OR3A2: variants seen among roughly 807,000 people sequenced by gnomAD.
OR3A2 encodes the protein olfactory receptor family 3 subfamily A member 2.
For missense variants in OR3A2, 318 were observed against 392.8 expected (o/e 0.81, Z 1.61); for synonymous variants, 126 against 159.3 (o/e 0.79, Z 1.57).
At chr17:3,281,235 A>AT (rs58615412) in intron 1 of OR3A2, among the ~76,000 whole-genome samples, 27,250 of 137,312 alleles carry the variant, frequency 0.2, 3,349 homozygotes, top group African/African-American at 0.34. Flanking sequence ...AGGCATCAGG[A>AT]TTTTTTTTTT....
At chr17:3,377,855 T>C (rs529714592) in intron 2 of OR3A2, among the ~76,000 whole-genome samples, 1 of 152,370 alleles carries the variant, frequency 6.6e-6, no homozygotes, top group East Asian at 1.9e-4. Context: ...GGATGTAAAC[T>C]AGTCTGACCA....
chr17:3,351,726 T>C (rs1245931816), intron 2 of OR3A2, among the ~76,000 whole-genome samples: 1 of 150,700 alleles, frequency 6.6e-6, no homozygotes, highest in East Asian at 2.0e-4. Flanking sequence ...CATCACCAAG[T>C]CAATCCTAAG....
chr17:3,280,963 G>A (rs1013616758), intron 1 of OR3A2, among the ~76,000 whole-genome samples: 2 of 152,200 alleles, frequency 1.3e-5, no homozygotes, highest in African/African-American at 4.8e-5. Flanking sequence ...GAGTGAATGA[G>A]AAGCCATCCG....
chr17:3,339,598 C>T (rs1219278408), intron 2 of OR3A2, among the ~76,000 whole-genome samples: 3 of 151,944 alleles, frequency 2.0e-5, no homozygotes, highest in Non-Finnish European at 4.4e-5. Context: ...ATATGTTGAA[C>T]CAGCCTTGCA....
At chr17:3,370,528 C>A (rs2049604499) in intron 2 of OR3A2, among the ~76,000 whole-genome samples, 1 of 151,820 alleles carries the variant, frequency 6.6e-6, no homozygotes, top group Non-Finnish European at 1.5e-5. Flanking sequence ...TTTAATTCTG[C>A]TCTGATCTTT....
At chr17:3,343,984 T>C (rs1026631655) in intron 2 of OR3A2, among the ~76,000 whole-genome samples, 2 of 152,226 alleles carry the variant, frequency 1.3e-5, no homozygotes, top group African/African-American at 4.8e-5. Flanking sequence ...GATTCTACTT[T>C]GTCTAGGAAG....
intron 3 of OR3A2, among the ~76,000 whole-genome samples, chr17:3,297,159 G>A (rs2048925733): frequency 6.6e-6 from 1 of 152,096 alleles, no homozygotes; most frequent in Non-Finnish European, 1.5e-5. Flanking sequence ...GGTGGCTGTC[G>A]GATTTGGGAG....
At chr17:3,378,770 C>T (rs1229744862) in intron 2 of OR3A2, among the ~76,000 whole-genome samples, 1 of 152,186 alleles carries the variant, frequency 6.6e-6, no homozygotes, top group Non-Finnish European at 1.5e-5. Flanking sequence ...TTAAATACCA[C>T]TTCCCCCCGG....
intron 2 of OR3A2, among the ~76,000 whole-genome samples, chr17:3,351,847 G>A (rs944556123): frequency 5.9e-5 from 9 of 152,084 alleles, no homozygotes; most frequent in Non-Finnish European, 1.3e-4. Flanking sequence ...ATAGATCAAT[G>A]GAACAGAACA....
At chr17:3,371,663 C>T in intron 2 of OR3A2, among the ~76,000 whole-genome samples, 1 of 138,698 alleles carries the variant, frequency 7.2e-6, no homozygotes, top group East Asian at 2.4e-4. Context: ...GCGCCCCTCA[C>T]CTCCCGGACG....
chr17:3,276,268 G>T (rs1464565077), downstream of OR3A2, among the ~76,000 whole-genome samples: 1 of 152,140 alleles, frequency 6.6e-6, no homozygotes, highest in Non-Finnish European at 1.5e-5. Flanking sequence ...CAGGATGTTA[G>T]TCTTCATTAT....
In OR3A2 at chr17:3,373,441, T is replaced by C. The variant is rs181069219; in HGVS notation, c.-179+10363A>G. Reference sequence around the variant, plus strand: ...TGCCATCTATCTCATTTCTTAGTTCTAGTAGTAATTGTTTTATACATTTGG... The same window carrying C: ...TGCCATCTATCTCATTTCTTAGTTCCAGTAGTAATTGTTTTATACATTTGG... On this transcript the variant is annotated intron_variant, in intron 2 of 4. Coordinates refer to the OR3A2 transcript ENST00000573491. Among the ~76,000 whole-genome samples the C allele has an allele frequency of 6.7e-3, 1,021 of 152,352 alleles. 7 individuals carry two copies. Among genetic ancestry groups the C allele is most frequent in the Non-Finnish European group, 0.011 (776 of 68,024 alleles).
chr17:3,301,725 T>G (rs1262526821), intron 3 of OR3A2, among the ~76,000 whole-genome samples: 4 of 152,238 alleles, frequency 2.6e-5, no homozygotes, highest in African/African-American at 4.8e-5. Flanking sequence ...TTGGCTTTTG[T>G]TGCCATGGCT....
intron 3 of OR3A2, among the ~76,000 whole-genome samples, chr17:3,328,643 A>C (rs1017424361): frequency 1.3e-5 from 2 of 149,642 alleles, no homozygotes; most frequent in African/African-American, 5.0e-5. Context: ...GCCAGTTTTC[A>C]AAGGGAATGC....
Position 3,368,801 on chromosome 17 carries a change from C to T in OR3A2, c.-179+15003G>A, listed in dbSNP as rs572307685. Among the ~76,000 whole-genome samples, 230 of 152,186 alleles carry T rather than the reference C, an allele frequency of 1.5e-3. 3 individuals carry two copies. The highest frequency in any genetic ancestry group is 1.8e-3 in the Non-Finnish European group (121 of 67,978). ...AATGATGGTACTTTGGTGAGCATTG[C>T]AATGAATTTGTAGATTGCTTTTAGT... On this transcript the variant is annotated intron_variant, in intron 2 of 4. Transcript: ENST00000573491.
intron 3 of OR3A2, among the ~76,000 whole-genome samples, chr17:3,298,548 G>A (rs915728343): frequency 3.3e-5 from 5 of 152,198 alleles, no homozygotes; most frequent in Admixed American, 3.3e-4. Flanking sequence ...CATTGGCAAC[G>A]TGCCCTGGCA....
chr17:3,323,159 G>C (rs1288385684), intron 3 of OR3A2, among the ~76,000 whole-genome samples: 1 of 152,108 alleles, frequency 6.6e-6, no homozygotes, highest in East Asian at 1.9e-4. Context: ...TTGGTTTAAA[G>C]TCTGTTTTAT....
intron 2 of OR3A2, among the ~76,000 whole-genome samples, chr17:3,352,598 T>C (rs2049429786): frequency 6.6e-6 from 1 of 151,996 alleles, no homozygotes; most frequent in South Asian, 2.1e-4. Flanking sequence ...TTATGTTCCA[T>C]TGGTTTATAT....
At chr17:3,385,830 T>A (rs2049772671) in intron 1 of OR3A2, 5 of 398,136 alleles carry the variant, frequency 1.3e-5, no homozygotes, top group African/African-American at 4.1e-5. Context: ...TTAAAATGTA[T>A]ATCTGGAACC....
Sources: allele counts gnomAD v4.1 joint callset (sites outside exome capture counted in the v4.1 genomes callset), GRCh38; gene constraint gnomAD v4.1.1; transcripts MANE v1.5; gene names NCBI Gene and HGNC (gene_info 2026-07-23, HGNC 2026-07-21).